HAGHL: variants seen among roughly 807,000 people sequenced by gnomAD.
HAGHL encodes hydroxyacylglutathione hydrolase like.
HAGHL carries 27 observed loss-of-function variants against 29.2 expected under a neutral mutation model. The observed-to-expected ratio is 0.92, with a 90% CI of 0.68 to 1.27. The LOEUF (loss-of-function observed/expected upper bound fraction) is 1.27. Ranked by LOEUF, HAGHL falls within the 50% of genes most tolerant of loss-of-function variation. The pLI is 0.00. For synonymous variants in HAGHL, 223 were observed against 185.7 expected (o/e 1.20, Z -1.63); for missense variants, 529 against 405.5 (o/e 1.30, Z -2.62).
At chr16:727,835 CG>C (rs2151588257) in intron 1 of HAGHL, 129 bp from the exon 2 acceptor site, 1 of 1,030,056 alleles carries the variant, frequency 9.7e-7, no homozygotes, top group African/African-American at 1.6e-5. Context: ...AGTCACCGCC[CG>C]CTGGGTCCCC....
chr16:728,695 C>A (rs1044388971), intron 5 of HAGHL, 91 bp downstream of exon 5: 4 of 1,315,898 alleles, frequency 3.0e-6, no homozygotes, highest in Non-Finnish European at 4.3e-6. Flanking sequence ...AGTGAATGCC[C>A]ACCTGAGGGC....
rs765158915 is a variant in HAGHL, at chr16:728,402, G to A, written c.375G>A (p.Pro125=). The A allele has an allele frequency of 2.2e-5, 22 of 997,354 alleles. No individual in the cohort carries two copies. In the East Asian group the frequency reaches 6.7e-4, roughly 30 times the overall value. 61.8% of individuals were successfully genotyped at this position (997,354 alleles called of 1,614,324 possible). A position where few individuals can be genotyped will look rare whatever the true frequency, so the allele number is the denominator to read the frequency against. Residue 125 remains proline (P), a synonymous_variant, in exon 4 of 8, where the codon CCG becomes CCA. Transcript: ENST00000389703. ...ACTTCCTGTGGGAGGACGATTGCCCGGACCCACCCGCCCTGTTCTCGGGTA... is the reference window on the plus strand; with the variant it reads ...ACTTCCTGTGGGAGGACGATTGCCCAGACCCACCCGCCCTGTTCTCGGGTA... ...MSYFLWEDDC[P]DPPALFSGDA...
In HAGHL at chr16:729,507, G is replaced by A. The variant is rs754484471; in HGVS notation, c.*51G>A. On this transcript the variant is annotated 3_prime_UTR_variant, in exon 8 of 8. Coordinates refer to ENST00000389703, the MANE Select transcript of HAGHL (RefSeq NM_032304.4). ...GGCCTGCGTCCCTCCTCGTGACCTC[G>A]GCCAGCTGGACCCACATGAGGGCCA... 51 of 1,535,946 alleles carry A rather than the reference G, an allele frequency of 3.3e-5. No individual in the cohort carries two copies. The highest frequency in any genetic ancestry group is 4.1e-5 in the Non-Finnish European group (47 of 1,146,214).
In HAGHL at chr16:729,372, A is replaced by ACAGG. The variant is rs2041234888; in HGVS notation, c.767_770dup (p.Glu259GlyfsTer108). 6.5e-7 allele frequency: 1 copy of ACAGG among 1,528,978 alleles called. No individual in the cohort carries two copies. Among genetic ancestry groups the ACAGG allele is most frequent in the African/African-American group, 1.4e-5 (1 of 72,148 alleles). 94.7% of individuals were successfully genotyped at this position (1,528,978 alleles called of 1,614,324 possible). A position where few individuals can be genotyped will look rare whatever the true frequency, so the allele number is the denominator to read the frequency against. On this transcript the variant is annotated frameshift_variant, in exon 8 of 8. Transcript: ENST00000389703. LOFTEE classifies it low-confidence loss of function (END_TRUNC). ...TATGCAAGGAGCGGGCGCGCTTCGA[A>ACAGG]CAGGCGGGCGAGCCGCGGCAGCCAC...
Position 729,102 on chromosome 16 carries a change from T to C in HAGHL, c.680+14T>C, listed in dbSNP as rs752373996. On this transcript the variant is annotated intron_variant, in intron 7 of 7. Transcript: ENST00000389703. ...CCTGCGGGTGGCGTGAGTATGGCTGTTGTCCCGGGGCCTCCACCGTTACGT... is the reference window on the plus strand; with the variant it reads ...CCTGCGGGTGGCGTGAGTATGGCTGCTGTCCCGGGGCCTCCACCGTTACGT... 3.7e-6 allele frequency: 6 copies of C among 1,606,124 alleles called. No homozygotes were observed. The highest frequency in any genetic ancestry group is 1.6e-4 in the Middle Eastern group (1 of 6,080).
intron 7 of HAGHL, 68 bp downstream of exon 7, chr16:729,156 C>G: frequency 6.3e-7 from 1 of 1,586,246 alleles, no homozygotes; most frequent in Non-Finnish European, 8.6e-7. Flanking sequence ...CTGGGGACTG[C>G]GTGTTGGGCT....
At chr16:728,771 C>G in intron 5 of HAGHL, 23 bp from the exon 6 acceptor site, 1 of 1,607,460 alleles carries the variant, frequency 6.2e-7, no homozygotes, top group Non-Finnish European at 8.5e-7. Flanking sequence ...CGCGTGCGCG[C>G]TCACCGAGCG....
rs368222661 is a variant in HAGHL at position 727,998 on chromosome 16, C to G, written c.139C>G (p.Leu47Val). The G allele has an allele frequency of 1.2e-6, 2 of 1,607,626 alleles. No individual in the cohort carries two copies. The highest frequency in any genetic ancestry group is 1.3e-5 in the African/African-American group (1 of 74,128). Reference protein sequence around the residue: ...LEIVGREGVSLTAVLTTHHHW... With the variant: ...LEIVGREGVSVTAVLTTHHHW... ...GATCGTGGGCCGGGAGGGGGTGTCTCTGACCGCTGTGCTGACCACCCACCA... is the reference window on the plus strand; with the variant it reads ...GATCGTGGGCCGGGAGGGGGTGTCTGTGACCGCTGTGCTGACCACCCACCA... Residue 47 changes from leucine (L) to valine (V), a missense_variant, in exon 2 of 8, where the codon CTG becomes GTG. Coordinates refer to ENST00000389703, the MANE Select transcript of HAGHL (RefSeq NM_032304.4).
rs1309763013 is a variant in HAGHL, at chr16:728,882, T to C, written c.587T>C (p.Leu196Pro). 6.6e-7 allele frequency: 1 copy of C among 1,504,630 alleles called. No individual in the cohort carries two copies. The highest frequency in any genetic ancestry group is 1.1e-5 in the South Asian group (1 of 88,536). 93.2% of individuals were successfully genotyped at this position (1,504,630 alleles called of 1,614,324 possible). A position where few individuals can be genotyped will look rare whatever the true frequency, so the allele number is the denominator to read the frequency against. ...TGCAACGACCACGTGAGAGCCAAGCTGTCCTGGGCTAAGGCACGGCCCCTT... is the reference window on the plus strand; with the variant it reads ...TGCAACGACCACGTGAGAGCCAAGCCGTCCTGGGCTAAGGCACGGCCCCTT... ...EPCNDHVRAKLSWAKKRDEDD... is the reference protein window; with the variant it reads ...EPCNDHVRAKPSWAKKRDEDD... The change falls in exon 6 of 8, where the codon CTG becomes CCG. Residue 196 changes from leucine to proline, a missense_variant. By Grantham distance (98) the Leu-to-Pro change is moderately conservative (BLOSUM62 -3). Transcript: ENST00000389703.
rs1380285338 is a variant in HAGHL at position 729,047 on chromosome 16, T to C, written c.639T>C (p.Thr213=). 5 of 1,610,432 alleles carry C rather than the reference T, an allele frequency of 3.1e-6. No individual in the cohort carries two copies. Among genetic ancestry groups the C allele is most frequent in the Non-Finnish European group, 4.2e-6 (5 of 1,179,664 alleles). ...ATGACGTGCCCACTGTGCCGTCGAC[T>C]CTGGGCGAGGAGCGCCTCTACAACC... ...DEDDVPTVPS[T]LGEERLYNPF... Residue 213 remains threonine, a synonymous_variant, in exon 7 of 8, where the codon ACT becomes ACC. Coordinates refer to ENST00000389703, the MANE Select transcript of HAGHL (RefSeq NM_032304.4).
rs759963866 is a variant in HAGHL, at chr16:727,596, C to G, written c.87C>G (p.Asp29Glu). The change falls in exon 1 of 8, where the codon GAC becomes GAG. Residue 29 changes from aspartate (D) to glutamate (E), a missense_variant. Physicochemically the swap from Asp to Glu is conservative, Grantham distance 45 (BLOSUM62 2). Transcript: ENST00000389703. ...EELTREAVAV[D>E]VAVPKRLLEI... ...TCACGCGCGAGGCGGTGGCCGTGGA[C>G]GTGGCTGTGCCCAAGAGGGTGAGGG... The G allele has an allele frequency of 1.4e-5, 23 of 1,610,028 alleles. No homozygotes were observed. Among genetic ancestry groups the G allele is most frequent in the Non-Finnish European group, 1.7e-5 (20 of 1,178,418 alleles).
rs374747544 is a variant in HAGHL at position 727,462 on chromosome 16, C to A, written c.-48C>A. The A allele has an allele frequency of 3.2e-4, 379 of 1,177,056 alleles. 4 individuals carry two copies. Among genetic ancestry groups the A allele is most frequent in the South Asian group, 1.5e-3 (115 of 77,212 alleles). 72.9% of individuals were successfully genotyped at this position (1,177,056 alleles called of 1,614,324 possible). On this transcript the variant is annotated 5_prime_UTR_variant, in exon 1 of 8. It adds an upstream start codon to the 5' untranslated region. Coordinates refer to ENST00000389703, the MANE Select transcript of HAGHL (RefSeq NM_032304.4). ...CCCCGCCCTGAAGGGGCACCGTGGG[C>A]TGGGGGGCCTGTTTTGGAGCAGGCA...
chr16:729,187 G>C (rs771071834), intron 7 of HAGHL, 99 bp downstream of exon 7: 45 of 1,568,048 alleles, frequency 2.9e-5, no homozygotes, highest in Non-Finnish European at 3.8e-5. Flanking sequence ...CTCTGGCTTG[G>C]GGGAGGCTGC....
rs752417845 is a variant in HAGHL, at chr16:729,390, G to A, written c.783G>A (p.Arg261=). The change falls in exon 8 of 8, where the codon CGG becomes CGA. Residue 261 remains arginine, a synonymous_variant. Transcript: ENST00000389703. ...GCTTCGAACAGGCGGGCGAGCCGCG[G>A]CAGCCACAGGCGCGGGCCCTCCTTG... ...RARFEQAGEP[R]QPQARALLAL... is the part of the protein sequence containing the mutation. 7.2e-6 allele frequency: 11 copies of A among 1,526,060 alleles called. No homozygotes were observed. The African/African-American group carries it at 1.1e-4, about 15-fold the overall frequency. The allele number at this position is 1,526,060 out of a possible 1,614,324, so 94.5% of individuals were successfully genotyped here. A position where few individuals can be genotyped will look rare whatever the true frequency, so the allele number is the denominator to read the frequency against.
intron 5 of HAGHL, 50 bp downstream of exon 5, chr16:728,654 G>A (rs1162840627): frequency 7.7e-7 from 1 of 1,291,404 alleles, no homozygotes. Flanking sequence ...CAGCCCCCAC[G>A]CTCCGCACCC....
chr16:727,630 G>A lies in HAGHL; in HGVS notation c.105+16G>A. 1 of 1,552,954 alleles carries A rather than the reference G, an allele frequency of 6.4e-7. No individual in the cohort carries two copies. Among genetic ancestry groups the A allele is most frequent in the Non-Finnish European group, 8.8e-7 (1 of 1,132,472 alleles). ...GCCCAAGAGGGTGAGGGCAGGCCGCGGGCCGCAGGGACCCGGCCGTGTCCC... is the reference window on the plus strand; with the variant it reads ...GCCCAAGAGGGTGAGGGCAGGCCGCAGGCCGCAGGGACCCGGCCGTGTCCC... On this transcript the variant is annotated intron_variant, in intron 1 of 7. Transcript: ENST00000389703.
Position 727,531 on chromosome 16 carries a change from G to C in HAGHL, c.22G>C (p.Val8Leu). 1 of 1,610,910 alleles carries C rather than the reference G, an allele frequency of 6.2e-7. No individual in the cohort carries two copies. Among genetic ancestry groups the C allele is most frequent in the Non-Finnish European group, 8.5e-7 (1 of 1,178,822 alleles). ...GACCATGAAGGTCAAGGTCATCCCC[G>C]TGCTCGAGGACAACTACATGTACCT... MKVKVIP[V>L]LEDNYMYLVI... The change falls in exon 1 of 8, where the codon GTG becomes CTG. Residue 8 changes from valine (V) to leucine (L), a missense_variant. By Grantham distance (32) the Val-to-Leu change is conservative. Coordinates refer to ENST00000389703, the MANE Select transcript of HAGHL (RefSeq NM_032304.4).
chr16:728,064 C>T, intron 2 of HAGHL, 35 bp downstream of exon 2: 3 of 1,561,938 alleles, frequency 1.9e-6, no homozygotes, highest in Non-Finnish European at 2.6e-6. Context: ...GGCACGAGGA[C>T]GCCGCCTTGT....
Position 728,522 on chromosome 16 carries a change from C to T in HAGHL, c.416C>T (p.Ala139Val). 1 of 1,530,326 alleles carries T rather than the reference C, an allele frequency of 6.5e-7. No individual in the cohort carries two copies. Among genetic ancestry groups the T allele is most frequent in the Non-Finnish European group, 8.7e-7 (1 of 1,144,424 alleles). 94.8% of individuals were successfully genotyped at this position (1,530,326 alleles called of 1,614,324 possible). ...ALFSGDALSV[A>V]GCGSCLEGSA... is the part of the protein sequence containing the mutation. ...CCGCCAGGCGACGCGCTGTCGGTGGCCGGCTGCGGCTCGTGCCTGGAGGGC... is the reference window on the plus strand; with the variant it reads ...CCGCCAGGCGACGCGCTGTCGGTGGTCGGCTGCGGCTCGTGCCTGGAGGGC... Residue 139 changes from alanine to valine, a missense_variant, in exon 5 of 8, where the codon GCC (alanine) becomes GTC (valine). Physicochemically the swap from Ala to Val is moderately conservative, Grantham distance 64. Transcript: ENST00000389703.
Sources: allele counts gnomAD v4.1 joint callset, GRCh38; gene constraint gnomAD v4.1.1; transcripts MANE v1.5; gene names NCBI Gene and HGNC (gene_info 2026-07-23, HGNC 2026-07-21).